ZNF521: variants seen among roughly 807,000 people sequenced by gnomAD.
ZNF521 encodes LYST-interacting protein 3.
In ZNF521, 14 loss-of-function variants were observed where a neutral mutation model predicts 105.5. The observed-to-expected ratio is 0.13, with a 90% CI of 0.09 to 0.21. ZNF521 has a LOEUF of 0.21. ZNF521 is among the 10% of genes least tolerant of loss of function. The pLI, the probability that ZNF521 is intolerant of heterozygous loss-of-function variation, is 1.00. For synonymous variants in ZNF521, 635 were observed against 606.0 expected (o/e 1.05, Z -0.70); for missense variants, 1,233 against 1,629.7 (o/e 0.76, Z 4.19).
chr18:25,192,620 A>G (rs1338928453), intron 5 of ZNF521, among the ~76,000 whole-genome samples: 1 of 151,862 alleles, frequency 6.6e-6, no homozygotes, highest in African/African-American at 2.4e-5. Context: ...AAGGAGTAAG[A>G]GGCTTTTCAG....
intron 3 of ZNF521, among the ~76,000 whole-genome samples, chr18:25,256,290 A>G (rs560688117): frequency 3.4e-4 from 52 of 152,160 alleles, no homozygotes; most frequent in African/African-American, 1.0e-3. Flanking sequence ...TAATGAGTAT[A>G]GAGTTTCAGT....
chr18:25,328,478 TTTC>T (rs1345480739), intron 2 of ZNF521, among the ~76,000 whole-genome samples: 1 of 151,036 alleles, frequency 6.6e-6, no homozygotes, highest in Non-Finnish European at 1.5e-5. Context: ...GCAACAAAAG[TTTC>T]TTCTCTTCCA....
chr18:25,289,131 C>T (rs1910869647), intron 3 of ZNF521, among the ~76,000 whole-genome samples: 2 of 151,974 alleles, frequency 1.3e-5, no homozygotes, highest in South Asian at 4.2e-4. Flanking sequence ...TCTTCTATTG[C>T]TAAATGACAA....
intron 3 of ZNF521, chr18:25,273,405 C>G (rs148363743): frequency 6.6e-6 from 1 of 151,982 alleles, no homozygotes; most frequent in Non-Finnish European, 1.5e-5. Context: ...CTTCTTTTCA[C>G]GATCATCAAT....
intron 3 of ZNF521, among the ~76,000 whole-genome samples, chr18:25,271,356 A>G (rs897542174): frequency 1.3e-5 from 2 of 152,226 alleles, no homozygotes; most frequent in African/African-American, 2.4e-5. Flanking sequence ...AGTAATTTAC[A>G]GATTCAATGC....
chr18:25,345,021 T>C (rs951329569), intron 2 of ZNF521, among the ~76,000 whole-genome samples: 2 of 152,236 alleles, frequency 1.3e-5, no homozygotes, highest in Admixed American at 6.5e-5. Flanking sequence ...TACATGCTTT[T>C]ACATCAAAAT....
At chr18:25,166,900 G>GGTT (rs1210715759) in intron 5 of ZNF521, among the ~76,000 whole-genome samples, 1 of 152,044 alleles carries the variant, frequency 6.6e-6, no homozygotes, top group Admixed American at 6.5e-5. Flanking sequence ...TTGAAGATAT[G>GGTT]GATTAACCAA....
intron 3 of ZNF521, among the ~76,000 whole-genome samples, chr18:25,280,987 A>C (rs189064972): frequency 1.8e-4 from 28 of 152,270 alleles, no homozygotes; most frequent in African/African-American, 6.5e-4. Flanking sequence ...CCTTGCTTAA[A>C]TTCATTCTAA....
At chr18:25,167,001 A>G (rs759731709) in intron 5 of ZNF521, among the ~76,000 whole-genome samples, 1 of 152,198 alleles carries the variant, frequency 6.6e-6, no homozygotes, top group Non-Finnish European at 1.5e-5. Context: ...TTTACTTTAT[A>G]TATTTCTCAT....
At chr18:25,313,131 C>G (rs1401927087) in intron 3 of ZNF521, among the ~76,000 whole-genome samples, 1 of 152,140 alleles carries the variant, frequency 6.6e-6, no homozygotes, top group Non-Finnish European at 1.5e-5. Flanking sequence ...CAGGTACTAA[C>G]CAGACCTTCC....
rs1906288819 is a variant in ZNF521, at chr18:25,227,988, TAC to T, written c.221-293_221-292del. Among the ~76,000 whole-genome samples the T allele has an allele frequency of 6.6e-6, 1 of 152,226 alleles. No individual in the cohort carries two copies. The highest frequency in any genetic ancestry group is 2.4e-5 in the African/African-American group (1 of 41,452). On this transcript the variant is annotated intron_variant, in intron 3 of 7. Transcript: ENST00000361524. This position sits in a 1 kb window ranked among gnomAD's most constrained non-coding sequence, Gnocchi z 5.7. Reference sequence around the variant, plus strand: ...TCTTCCTTAGAAGCAAGGTATATATTACACATTGACAATTTTATTAAAATGCA... The same window carrying T: ...TCTTCCTTAGAAGCAAGGTATATATTACATTGACAATTTTATTAAAATGCA...
chr18:25,312,889 T>C (rs926591307), intron 3 of ZNF521, among the ~76,000 whole-genome samples: 3 of 151,498 alleles, frequency 2.0e-5, no homozygotes, highest in Non-Finnish European at 2.9e-5. Context: ...GGTAACTGCA[T>C]GGAAGAACTT....
In ZNF521 at chr18:25,226,348, T is replaced by C. The variant is rs754757677; in HGVS notation, c.1570A>G (p.Thr524Ala). Residue 524 changes from threonine to alanine, a missense_variant, in exon 4 of 8, where the codon ACT becomes GCT. By Grantham distance (58) the Thr-to-Ala change is moderately conservative (BLOSUM62 0). Transcript: ENST00000361524. The surrounding 1 kb of genome is among the most constrained non-coding windows in gnomAD (Gnocchi z 4.1). ...FCPHCYMGFL[T>A]DSSLEEHIRQ... Reference sequence around the variant, plus strand: ...ATATGCTCTTCCAGGGAAGAGTCAGTGAGAAACCCCATATAGCAATGGGGA... The same window carrying C: ...ATATGCTCTTCCAGGGAAGAGTCAGCGAGAAACCCCATATAGCAATGGGGA... 1 of 1,614,168 alleles carries C rather than the reference T, an allele frequency of 6.2e-7. No homozygotes were observed. Among genetic ancestry groups the C allele is most frequent in the South Asian group, 1.1e-5 (1 of 91,078 alleles).
At chr18:25,247,501 G>A (rs1355802196) in intron 3 of ZNF521, among the ~76,000 whole-genome samples, 1 of 152,146 alleles carries the variant, frequency 6.6e-6, no homozygotes, top group Non-Finnish European at 1.5e-5. Flanking sequence ...TTAAAATATT[G>A]ATGCTTCTAC....
intron 7 of ZNF521, among the ~76,000 whole-genome samples, chr18:25,070,504 T>A (rs550550569): frequency 6.6e-6 from 1 of 152,242 alleles, no homozygotes; most frequent in South Asian, 2.1e-4. Flanking sequence ...ATAAAACACA[T>A]CCCATTCACT....
chr18:25,323,751 C>T (rs1178743864), intron 2 of ZNF521, among the ~76,000 whole-genome samples: 2 of 152,192 alleles, frequency 1.3e-5, no homozygotes, highest in African/African-American at 4.8e-5. Context: ...GCACATAGCA[C>T]GTTTCTATGA....
chr18:25,152,967 AC>A (rs1268691194), intron 5 of ZNF521, among the ~76,000 whole-genome samples: 8 of 151,990 alleles, frequency 5.3e-5, no homozygotes, highest in South Asian at 2.1e-4. Flanking sequence ...GACCCGAAAT[AC>A]CCCCCAAACA....
intron 5 of ZNF521, among the ~76,000 whole-genome samples, chr18:25,116,498 T>C (rs2034305060): frequency 6.6e-6 from 1 of 152,106 alleles, no homozygotes; most frequent in Non-Finnish European, 1.5e-5. Flanking sequence ...CCACATTCTC[T>C]AGGATCACCC....
At chr18:25,305,786 G>A (rs1242767451) in intron 3 of ZNF521, among the ~76,000 whole-genome samples, 1 of 152,052 alleles carries the variant, frequency 6.6e-6, no homozygotes, top group African/African-American at 2.4e-5. Context: ...TTCAAATCTG[G>A]AATCTGACTC....
Sources: gnomAD v4.1 joint callset for allele counts (sites outside exome capture counted in the v4.1 genomes callset) on GRCh38, gnomAD v4.1.1 for gene constraint, Gnocchi (gnomAD v3.1) non-coding constraint, MANE v1.5 for transcripts, NCBI Gene and HGNC (gene_info 2026-07-23, HGNC 2026-07-21) for gene names.